The following CAMK1D variants were observed in gnomAD, a reference collection of about 807,000 sequenced individuals.
CAMK1D encodes the protein calcium/calmodulin dependent protein kinase ID, also known as calcium/calmodulin-dependent protein kinase type 1D.
A neutral mutation model predicts 47.7 loss-of-function variants in CAMK1D; 9 were observed. That is an observed-to-expected ratio of 0.19 (90% CI 0.11 to 0.33). The LOEUF is 0.33. Among genes scored for constraint, CAMK1D ranks in the 10% least tolerant of loss-of-function variants. The probability of loss-of-function intolerance (pLI) is 1.00; values close to 1 mark genes in which losing one functional copy is unlikely to be tolerated. For missense variants in CAMK1D, 291 were observed against 488.7 expected, an observed-to-expected ratio of 0.60 and a Z score of 3.81; for synonymous variants, 184 against 184.9, an observed-to-expected ratio of 0.99 and a Z score of 0.04.
chr10:12,656,679 CAT>C (rs1840125404), intron 2 of CAMK1D, among the ~76,000 whole-genome samples: 1 of 152,162 alleles, frequency 6.6e-6, no homozygotes, highest in Non-Finnish European at 1.5e-5. Context: ...ATTTAGGTAT[CAT>C]AGTCTTGGCT....
rs892768726 is a variant in CAMK1D, at chr10:12,831,227, G to A, written c.*2340G>A. Reference sequence around the variant, plus strand: ...CCCAGTTAAGAAGCAAGTGTCACCTGAGTTGGCCATGCAATGAATGAATAT... The same window carrying A: ...CCCAGTTAAGAAGCAAGTGTCACCTAAGTTGGCCATGCAATGAATGAATAT... On this transcript the variant is annotated 3_prime_UTR_variant, in exon 11 of 11. Transcript: ENST00000619168. The A allele has an allele frequency of 6.6e-6, 1 of 152,232 alleles. No individual in the cohort carries two copies. The highest frequency in any genetic ancestry group is 1.5e-5 in the Non-Finnish European group (1 of 68,044). 9.4% of individuals were successfully genotyped at this position (152,232 alleles called of 1,614,324 possible). A position where few individuals can be genotyped will look rare whatever the true frequency, so the allele number is the denominator to read the frequency against.
intron 1 of CAMK1D, among the ~76,000 whole-genome samples, chr10:12,489,243 G>A (rs2492951): frequency 0.79 from 119,820 of 152,112 alleles, 47,461 homozygotes; most frequent in East Asian, 0.97. Context: ...TGGCCTGTGC[G>A]GCCTGGTTTC....
intron 1 of CAMK1D, among the ~76,000 whole-genome samples, chr10:12,389,249 T>A (rs1053632678): frequency 6.6e-6 from 1 of 152,112 alleles, no homozygotes; most frequent in African/African-American, 2.4e-5. Context: ...GGGGCTTGGG[T>A]GGCAGGTGGT....
chr10:12,450,416 G>A (rs982225817), intron 1 of CAMK1D, among the ~76,000 whole-genome samples: 10 of 152,030 alleles, frequency 6.6e-5, no homozygotes, highest in South Asian at 2.1e-4. Context: ...AGGAAGAGCC[G>A]TTGTGATTTT....
In CAMK1D at chr10:12,443,128, C is replaced by A. The variant is rs78972623; in HGVS notation, c.92+93218C>A. ...ATATATTTATCCATGTATCTAAGGA[C>A]TCTGGAAAACAGATTCAAAGATGTG... On this transcript the variant is annotated intron_variant, in intron 1 of 10. Transcript: ENST00000619168. Among the ~76,000 whole-genome samples, 754 of 152,092 alleles carry A rather than the reference C, an allele frequency of 5.0e-3. 4 individuals carry two copies. Among genetic ancestry groups the A allele is most frequent in the Non-Finnish European group, 8.0e-3 (541 of 68,018 alleles).
At chr10:12,677,032 C>A (rs189259586) in intron 3 of CAMK1D, among the ~76,000 whole-genome samples, 1 of 152,152 alleles carries the variant, frequency 6.6e-6, no homozygotes, top group Non-Finnish European at 1.5e-5. Context: ...AACACCCATT[C>A]TTTAAAGAAT....
intron 1 of CAMK1D, among the ~76,000 whole-genome samples, chr10:12,515,463 A>G (rs1308586168): frequency 8.7e-6 from 1 of 114,794 alleles, no homozygotes. Flanking sequence ...ACACGTGCAC[A>G]TTGTGCAGGT....
intron 3 of CAMK1D, among the ~76,000 whole-genome samples, chr10:12,722,746 C>T (rs1302629268): frequency 6.6e-6 from 1 of 152,138 alleles, no homozygotes. Context: ...AATCCCTGTC[C>T]TAACAGAGTT....
chr10:12,466,574 G>C (rs1588517317), intron 1 of CAMK1D, among the ~76,000 whole-genome samples: 1 of 149,630 alleles, frequency 6.7e-6, no homozygotes, highest in Non-Finnish European at 1.5e-5. Context: ...GACAGGGCAA[G>C]ACCCTGTCTC....
At chr10:12,694,467 C>A (rs1341077554) in intron 3 of CAMK1D, among the ~76,000 whole-genome samples, 5 of 87,570 alleles carry the variant, frequency 5.7e-5, no homozygotes, top group African/African-American at 9.2e-5. Context: ...TGTTATATAT[C>A]ATATATAAAA....
intron 2 of CAMK1D, among the ~76,000 whole-genome samples, chr10:12,646,591 A>T (rs1644706919): frequency 6.6e-6 from 1 of 152,146 alleles, no homozygotes; most frequent in Non-Finnish European, 1.5e-5. Context: ...TCTCCTTGTA[A>T]AATAGGGATA....
At chr10:12,666,303 C>A (rs1254969578) in intron 2 of CAMK1D, among the ~76,000 whole-genome samples, 2 of 152,094 alleles carry the variant, frequency 1.3e-5, no homozygotes, top group African/African-American at 4.8e-5. Flanking sequence ...CACCAGGTCT[C>A]CCTGCTCCCT....
intron 1 of CAMK1D, among the ~76,000 whole-genome samples, chr10:12,514,804 G>C (rs1471765358): frequency 1.3e-5 from 2 of 152,216 alleles, no homozygotes; most frequent in Non-Finnish European, 2.9e-5. Flanking sequence ...CTAGTGCCGT[G>C]TATTTACTGG....
At chr10:12,532,926 A>G (rs1835855680) in intron 1 of CAMK1D, among the ~76,000 whole-genome samples, 1 of 120,082 alleles carries the variant, frequency 8.3e-6, no homozygotes, top group South Asian at 3.0e-4. Context: ...AGAGTAGAAG[A>G]ATGGCTTCTA....
intron 2 of CAMK1D, among the ~76,000 whole-genome samples, chr10:12,626,897 C>G (rs778212934): frequency 6.6e-6 from 1 of 152,166 alleles, no homozygotes; most frequent in Non-Finnish European, 1.5e-5. Flanking sequence ...CACACAGACA[C>G]ACGCAAATAC....
chr10:12,818,145 C>T lies in CAMK1D; in HGVS notation c.833+1817C>T, dbSNP rs114762979. 3.7e-3 allele frequency among the ~76,000 whole-genome samples: 558 copies of T among 152,262 alleles called. 5 individuals are homozygous for T. Among genetic ancestry groups the T allele is most frequent in the African/African-American group, 0.012 (517 of 41,536 alleles). ...CAGAAAACCATCCCCCTGTGTGCCC[C>T]GCCATCCTCTGTAGCATTTCCCCTG... On this transcript the variant is annotated intron_variant, in intron 8 of 10. Coordinates refer to ENST00000619168, the MANE Select transcript of CAMK1D (RefSeq NM_153498.4).
At chr10:12,662,703 T>C (rs189628468) in intron 2 of CAMK1D, among the ~76,000 whole-genome samples, 212 of 151,644 alleles carry the variant, frequency 1.4e-3, no homozygotes, top group African/African-American at 4.7e-3. Flanking sequence ...TAAAATGATC[T>C]GGTGATTTAA....
intron 6 of CAMK1D, among the ~76,000 whole-genome samples, chr10:12,807,606 A>T (rs972678339): frequency 6.6e-6 from 1 of 152,168 alleles, no homozygotes; most frequent in African/African-American, 2.4e-5. Context: ...AGGGAGCTGG[A>T]ATTACCAGGT....
At chr10:12,362,943 CTTTT>C (rs397809296) in intron 1 of CAMK1D, among the ~76,000 whole-genome samples, 1 of 135,292 alleles carries the variant, frequency 7.4e-6, no homozygotes, top group Admixed American at 7.5e-5. Context: ...CCCGCCCGGC[CTTTT>C]TTTTTTTTTT....
Sources: allele counts gnomAD v4.1 joint callset (sites outside exome capture counted in the v4.1 genomes callset), GRCh38; gene constraint gnomAD v4.1.1; transcripts MANE v1.5; gene names NCBI Gene and HGNC (gene_info 2026-07-23, HGNC 2026-07-21).